Variants in USO1 observed in about 807,000 individuals in gnomAD.
USO1 encodes USO1 vesicle transport factor, also known as general vesicular transport factor p115.
In USO1, 57 loss-of-function variants were observed where a neutral mutation model predicts 124.5. The observed-to-expected ratio is 0.46, with a 90% CI of 0.37 to 0.57. USO1 has a LOEUF of 0.57. Ranked by LOEUF, USO1 falls within the 20% of genes least tolerant of loss-of-function variation. USO1 has a pLI of 0.00. For synonymous variants in USO1, 369 were observed against 362.8 expected (o/e 1.02, Z -0.19); for missense variants, 900 against 1,040.6 (o/e 0.86, Z 1.86).
chr4:75,747,291 T>G (rs1445378697), intron 1 of USO1, among the ~76,000 whole-genome samples: 1 of 152,150 alleles, frequency 6.6e-6, no homozygotes, highest in African/African-American at 2.4e-5. Flanking sequence ...TATTATTATA[T>G]TTTGAGGCAG....
At chr4:75,739,489 A>G (rs937241751) in intron 1 of USO1, among the ~76,000 whole-genome samples, 2 of 144,552 alleles carry the variant, frequency 1.4e-5, no homozygotes, top group African/African-American at 2.6e-5. Flanking sequence ...GTGTCCTTTC[A>G]TGGTCTGTTT....
At chr4:75,738,717 G>A (rs1259411559) in intron 1 of USO1, among the ~76,000 whole-genome samples, 2 of 152,210 alleles carry the variant, frequency 1.3e-5, no homozygotes, top group Admixed American at 6.6e-5. Flanking sequence ...CTGGGCTCAA[G>A]CAATCTTCCT....
chr4:75,802,159 G>A (rs183768148), intron 17 of USO1, among the ~76,000 whole-genome samples: 1 of 152,250 alleles, frequency 6.6e-6, no homozygotes. Context: ...TGAAAATATT[G>A]TGGTATATTT....
rs1055837852 is a variant in USO1, at chr4:75,768,658, G to C, written c.296-1781G>C. ...CTTATGGCACTGACTAGGATCTTCAGGTCAATGTTGACTAGAATTGATGAG... is the reference window on the plus strand; with the variant it reads ...CTTATGGCACTGACTAGGATCTTCACGTCAATGTTGACTAGAATTGATGAG... On this transcript the variant is annotated intron_variant, in intron 4 of 23. Transcript: ENST00000514213. 5.3e-5 allele frequency among the ~76,000 whole-genome samples: 8 copies of C among 152,128 alleles called. No homozygotes were observed. In the East Asian group the frequency reaches 1.5e-3, roughly 29 times the overall value.
At chr4:75,753,052 G>A (rs1386488421) in intron 3 of USO1, among the ~76,000 whole-genome samples, 1 of 152,072 alleles carries the variant, frequency 6.6e-6, no homozygotes, top group African/African-American at 2.4e-5. Context: ...TACATATTTT[G>A]GTATTCAGAC....
intron 14 of USO1, 104 bp from the exon 15 acceptor site, chr4:75,800,247 A>C: frequency 7.4e-7 from 1 of 1,354,230 alleles, no homozygotes; most frequent in Non-Finnish European, 9.8e-7. Flanking sequence ...TATATATGGA[A>C]TTTCTTATGG....
chr4:75,802,028 G>A (rs550898443), intron 17 of USO1, among the ~76,000 whole-genome samples: 1 of 152,214 alleles, frequency 6.6e-6, no homozygotes, highest in South Asian at 2.1e-4. Context: ...CATGTTGGCT[G>A]GTGTTGATCT....
intron 13 of USO1, among the ~76,000 whole-genome samples, chr4:75,796,708 G>T (rs1722693064): frequency 6.6e-6 from 1 of 151,778 alleles, no homozygotes; most frequent in South Asian, 2.1e-4. Flanking sequence ...TTACCCCCGA[G>T]AATGCTCTCA....
intron 1 of USO1, among the ~76,000 whole-genome samples, chr4:75,740,835 T>C (rs746950423): frequency 3.3e-5 from 5 of 152,230 alleles, no homozygotes; most frequent in African/African-American, 4.8e-5. Flanking sequence ...AGTCTAAAAT[T>C]GCCTCTTTCT....
intron 1 of USO1, among the ~76,000 whole-genome samples, chr4:75,738,101 G>A (rs1299353135): frequency 4.0e-5 from 6 of 151,762 alleles, no homozygotes; most frequent in Admixed American, 2.0e-4. Context: ...CCAGAGTGCT[G>A]GGATTATAGG....
At position 75,771,035 on chromosome 4, in the gene USO1, T is replaced by A. The variant is rs749167199; in HGVS notation, c.500-47T>A. ...AATTGTTAATAATTTGAGTCACTATTTGTATTTTTGGTCTGCCAGCATTTT... is the reference window on the plus strand; with the variant it reads ...AATTGTTAATAATTTGAGTCACTATATGTATTTTTGGTCTGCCAGCATTTT... On this transcript the variant is annotated intron_variant, in intron 6 of 23. Coordinates refer to ENST00000514213, the MANE Select transcript of USO1 (RefSeq NM_003715.4). 1.9e-6 allele frequency: 3 copies of A among 1,598,366 alleles called. No individual in the cohort carries two copies. The African/African-American group carries it at 4.1e-5, about 22-fold the overall frequency.
At chr4:75,787,417 T>C (rs1722394612) in intron 10 of USO1, among the ~76,000 whole-genome samples, 1 of 152,214 alleles carries the variant, frequency 6.6e-6, no homozygotes, top group South Asian at 2.1e-4. Context: ...TAAATAATAA[T>C]GTTAAAGCTT....
At chr4:75,730,363 G>C (rs1720595181) in intron 1 of USO1, among the ~76,000 whole-genome samples, 1 of 152,132 alleles carries the variant, frequency 6.6e-6, no homozygotes, top group South Asian at 2.1e-4. Context: ...ATTTATGCAA[G>C]GTTTTGTAAG....
At chr4:75,804,886 T>G in intron 18 of USO1, 1 of 327,798 alleles carries the variant, frequency 3.1e-6, no homozygotes, top group South Asian at 1.3e-4. Context: ...GAATTAAAAT[T>G]ACTGTAATTC....
At chr4:75,759,246 C>CTTGTTTTTTTTTTTTTTTTTTTTTTTTT (rs1721527237) in intron 4 of USO1, among the ~76,000 whole-genome samples, 1 of 69,126 alleles carries the variant, frequency 1.4e-5, no homozygotes, top group African/African-American at 6.4e-5. Flanking sequence ...TATTAAGGAC[C>CTTGTTTTTTTTTTTTTTTTTTTTTTTTT]TTTTTTTTTT....
chr4:75,756,021 T>A (rs1356029730), intron 3 of USO1, among the ~76,000 whole-genome samples: 6 of 151,670 alleles, frequency 4.0e-5, no homozygotes, highest in Non-Finnish European at 8.8e-5. Flanking sequence ...ATACAAAAAA[T>A]TAGCCGGGAG....
chr4:75,756,039 G>A lies in USO1; in HGVS notation c.219-1458G>A, dbSNP rs552238396. Among the ~76,000 whole-genome samples, 27 of 151,870 alleles carry A rather than the reference G, an allele frequency of 1.8e-4. No homozygotes were observed. The South Asian group carries it at 3.8e-3, about 21-fold the overall frequency. ...CAAAAAATTAGCCGGGAGTGGTGGC[G>A]GGCGCCTGTAGTCCCAGCTACTCAG... is the stretch of plus-strand genomic sequence containing the variant. On this transcript the variant is annotated intron_variant, in intron 3 of 23. Coordinates refer to ENST00000514213, the MANE Select transcript of USO1 (RefSeq NM_003715.4).
At chr4:75,760,803 T>C (rs928146605) in intron 4 of USO1, among the ~76,000 whole-genome samples, 3 of 152,172 alleles carry the variant, frequency 2.0e-5, no homozygotes. Flanking sequence ...ACTAAATCTG[T>C]TTACTGTCCA....
chr4:75,805,417 AC>A, intron 19 of USO1, 114 bp downstream of exon 19: 5 of 1,393,780 alleles, frequency 3.6e-6, no homozygotes, highest in Non-Finnish European at 4.7e-6. Flanking sequence ...TTAAGATTTT[AC>A]AGGATGGGCC....
Sources: allele counts gnomAD v4.1 joint callset (sites outside exome capture counted in the v4.1 genomes callset), GRCh38; gene constraint gnomAD v4.1.1; transcripts MANE v1.5; gene names NCBI Gene and HGNC (gene_info 2026-07-23, HGNC 2026-07-21).